MRTFB: variants seen among roughly 807,000 people sequenced by gnomAD.
MRTFB encodes myocardin-related transcription factor B.
Under a neutral mutation model 104.2 loss-of-function variants are expected in MRTFB, and 29 were observed. The observed-to-expected ratio is 0.28, with a 90% CI of 0.21 to 0.38. The LOEUF (loss-of-function observed/expected upper bound fraction) is 0.38, where lower values mean the gene tolerates loss of function less well. MRTFB is among the 10% of genes least tolerant of loss of function. The pLI is 1.00. For missense variants in MRTFB, 1,270 were observed against 1,341.6 expected (o/e 0.95, Z 0.83); for synonymous variants, 535 against 519.5 (o/e 1.03, Z -0.41).
intron 10 of MRTFB, among the ~76,000 whole-genome samples, chr16:14,243,292 T>C (rs1468619749): frequency 1.3e-5 from 2 of 152,218 alleles, no homozygotes; most frequent in South Asian, 2.1e-4. Context: ...CCAAAATGAA[T>C]GTCAAGAGTT....
At chr16:14,232,850 G>A (rs2042326137) in intron 8 of MRTFB, among the ~76,000 whole-genome samples, 1 of 152,050 alleles carries the variant, frequency 6.6e-6, no homozygotes, top group African/African-American at 2.4e-5. Context: ...ATTTTAAGGA[G>A]GAAAAATACA....
At chr16:14,046,128 G>T in the MRTFB span, among the ~76,000 whole-genome samples, 2 of 152,134 alleles carry the variant, frequency 1.3e-5, no homozygotes, top group African/African-American at 4.8e-5. Context: ...ACTACTTACT[G>T]TTTCTCTGTC....
intron 6 of MRTFB, 118 bp downstream of exon 6, chr16:14,213,738 CA>C (rs2041296251): frequency 1.4e-6 from 1 of 712,268 alleles, no homozygotes; most frequent in East Asian, 2.8e-5. Context: ...TTACTTCCTC[CA>C]AACTGGATAG....
At chr16:14,095,012 A>G (rs2035283779) in intron 2 of MRTFB, among the ~76,000 whole-genome samples, 1 of 152,240 alleles carries the variant, frequency 6.6e-6, no homozygotes, top group South Asian at 2.1e-4. Context: ...GAATAATAAT[A>G]GCACTGCTGG....
intron 2 of MRTFB, among the ~76,000 whole-genome samples, chr16:14,087,814 G>A (rs895165978): frequency 6.6e-6 from 1 of 152,152 alleles, no homozygotes; most frequent in Non-Finnish European, 1.5e-5. Context: ...CTTAAGAACT[G>A]ATTACTGACA....
intron 1 of MRTFB, among the ~76,000 whole-genome samples, chr16:14,078,316 A>G (rs2034188229): frequency 6.6e-6 from 1 of 152,216 alleles, no homozygotes; most frequent in African/African-American, 2.4e-5. Context: ...TGTTAAATGA[A>G]TGAATAATTG....
intron 4 of MRTFB, among the ~76,000 whole-genome samples, chr16:14,212,068 G>A (rs1023454852): frequency 7.2e-5 from 11 of 152,096 alleles, no homozygotes; most frequent in African/African-American, 2.2e-4. Context: ...CAGTCCCCTC[G>A]GCAATGGAGA....
upstream of MRTFB, among the ~76,000 whole-genome samples, chr16:14,068,800 A>G (rs993003989): frequency 6.6e-6 from 1 of 151,962 alleles, no homozygotes; most frequent in African/African-American, 2.4e-5. Context: ...GCCAGAAGAG[A>G]TTGGTGTTTG....
At chr16:14,245,407 A>G in intron 10 of MRTFB, 121 bp from the exon 11 acceptor site, 1 of 789,378 alleles carries the variant, frequency 1.3e-6, no homozygotes, top group Non-Finnish European at 1.9e-6. Flanking sequence ...TACAATATTC[A>G]GCCTTCCAAT....
chr16:14,192,954 C>T (rs569580818), intron 3 of MRTFB, among the ~76,000 whole-genome samples: 1 of 152,230 alleles, frequency 6.6e-6, no homozygotes, highest in Admixed American at 6.5e-5. Context: ...GCCAAAGCTG[C>T]CAATTCTACC....
At chr16:14,246,314 C>T (rs746895535) in intron 11 of MRTFB, among the ~76,000 whole-genome samples, 159 bp from the exon 12 acceptor site, 2 of 152,220 alleles carry the variant, frequency 1.3e-5, no homozygotes, top group African/African-American at 2.4e-5. Flanking sequence ...CTGTAGTTAT[C>T]TGTTTCTGTG....
At position 14,071,341 on chromosome 16, in the gene MRTFB, A is replaced by AGCGGCGGCG. The variant is rs926033240; in HGVS notation, c.-144_-136dup. The AGCGGCGGCG allele has an allele frequency of 5.5e-5, 9 of 163,050 alleles. No homozygotes were observed. In the East Asian group the frequency reaches 1.7e-3, roughly 30 times the overall value. The allele number at this position is 163,050 out of a possible 1,614,324, so 10.1% of individuals were successfully genotyped here. A position where few individuals can be genotyped will look rare whatever the true frequency, so the allele number is the denominator to read the frequency against. ...CGCGAGATCGCGCGGCGGCGGCGGG[A>AGCGGCGGCG]GCGGCGGCGGCGGCGGCCGGGGAGG... On this transcript the variant is annotated 5_prime_UTR_variant, in exon 1 of 17. Coordinates refer to ENST00000571589, the MANE Select transcript of MRTFB (RefSeq NM_001308142.2).
In MRTFB at chr16:14,240,301, G is replaced by T; in HGVS notation, c.896G>T (p.Arg299Leu). The change falls in exon 10 of 17, where the codon CGG (arginine) becomes CTG (leucine). Residue 299 changes from arginine (R) to leucine (L), a missense_variant. Transcript: ENST00000571589. Reference protein sequence around the residue: ...RSKKCKDPKPRVKKLKYHQYI... With the variant: ...RSKKCKDPKPLVKKLKYHQYI... ...AAAAAGTGCAAAGATCCCAAACCAC[G>T]GGTAAAGAAGTTAAAGTACCACCAA... is the stretch of plus-strand genomic sequence containing the variant. 1.2e-6 allele frequency: 2 copies of T among 1,613,980 alleles called. No individual in the cohort carries two copies. The highest frequency in any genetic ancestry group is 1.3e-5 in the African/African-American group (1 of 75,018).
intron 2 of MRTFB, among the ~76,000 whole-genome samples, chr16:14,104,650 G>A (rs78216729): frequency 5.3e-5 from 8 of 152,256 alleles, no homozygotes; most frequent in East Asian, 1.9e-4. Flanking sequence ...AATTGTTTTC[G>A]TTTATATGCA....
At chr16:14,178,780 C>T (rs1390829908) in intron 3 of MRTFB, among the ~76,000 whole-genome samples, 3 of 151,880 alleles carry the variant, frequency 2.0e-5, no homozygotes, top group East Asian at 3.9e-4. Flanking sequence ...GACAAGTTCT[C>T]ACTTCGTCGA....
At chr16:14,237,933 C>G (rs181378352) in intron 9 of MRTFB, among the ~76,000 whole-genome samples, 1 of 152,106 alleles carries the variant, frequency 6.6e-6, no homozygotes, top group Non-Finnish European at 1.5e-5. Context: ...AGGATGGCCA[C>G]GTAGCACTGA....
At position 14,265,325 on chromosome 16, in the gene MRTFB, G is replaced by A. The variant is rs866504209; in HGVS notation, c.*3881G>A. The A allele has an allele frequency of 1.1e-4, 17 of 152,070 alleles. No individual in the cohort carries two copies. Among genetic ancestry groups the A allele is most frequent in the Non-Finnish European group, 1.5e-4 (10 of 67,982 alleles). The allele number at this position is 152,070 out of a possible 1,614,324, so 9.4% of individuals were successfully genotyped here. A position where few individuals can be genotyped will look rare whatever the true frequency, so the allele number is the denominator to read the frequency against. ...TGACAAGAGAATACCCATACAAATC[G>A]TCCCACCGCCCTAGAGGCCACAGAA... On this transcript the variant is annotated 3_prime_UTR_variant, in exon 17 of 17. Transcript: ENST00000571589.
At chr16:14,244,668 TCA>T (rs2042937194) in intron 10 of MRTFB, among the ~76,000 whole-genome samples, 2 of 152,224 alleles carry the variant, frequency 1.3e-5, no homozygotes, top group South Asian at 4.1e-4. Flanking sequence ...GAATCATCTT[TCA>T]CTTATTTATT....
chr16:14,058,553 A>C, the MRTFB span, among the ~76,000 whole-genome samples: 1 of 152,158 alleles, frequency 6.6e-6, no homozygotes, highest in Non-Finnish European at 1.5e-5. Flanking sequence ...CAGGTCAAGA[A>C]GAATGAAATA....
Sources: gnomAD v4.1 joint callset for allele counts (sites outside exome capture counted in the v4.1 genomes callset) on GRCh38, gnomAD v4.1.1 for gene constraint, MANE v1.5 for transcripts, NCBI Gene and HGNC (gene_info 2026-07-23, HGNC 2026-07-21) for gene names.